ULK4: variants seen among roughly 807,000 people sequenced by gnomAD.
The protein encoded by ULK4 is inactive serine/threonine-protein kinase ULK4.
In ULK4, 133 loss-of-function variants were observed where a neutral mutation model predicts 160.6. That is an observed-to-expected ratio of 0.83 (90% CI 0.72 to 0.96). The LOEUF (loss-of-function observed/expected upper bound fraction) is 0.96. ULK4 is among the 40% of genes least tolerant of loss of function. ULK4 has a pLI of 0.00. For missense variants in ULK4, 1,580 were observed against 1,499.5 expected (o/e 1.05, Z -0.89); for synonymous variants, 534 against 539.8 (o/e 0.99, Z 0.15).
At chr3:41,653,432 T>C (rs1029935738) in intron 30 of ULK4, among the ~76,000 whole-genome samples, 1 of 152,192 alleles carries the variant, frequency 6.6e-6, no homozygotes, top group African/African-American at 2.4e-5. Context: ...ATGCCCTTCC[T>C]CTTGGATCTT....
At chr3:41,886,109 G>C (rs773711347) in intron 16 of ULK4, among the ~76,000 whole-genome samples, 2 of 152,146 alleles carry the variant, frequency 1.3e-5, no homozygotes, top group Admixed American at 1.3e-4. Context: ...CGTACCTCAT[G>C]TTGTTCTAAG....
At chr3:41,512,823 A>G (rs552340936) in intron 32 of ULK4, among the ~76,000 whole-genome samples, 1 of 152,234 alleles carries the variant, frequency 6.6e-6, no homozygotes, top group Non-Finnish European at 1.5e-5. Context: ...AGCCAAAGCA[A>G]GACTAAGCAA....
chr3:41,359,012 C>T (rs1032160476), intron 35 of ULK4, among the ~76,000 whole-genome samples: 5 of 152,114 alleles, frequency 3.3e-5, no homozygotes, highest in African/African-American at 1.2e-4. Context: ...GGTTGGTAAA[C>T]GGGGTGGAGT....
chr3:41,853,413 T>C lies in ULK4; in HGVS notation c.1657-17442A>G, dbSNP rs575341467. On this transcript the variant is annotated intron_variant, in intron 17 of 36. Coordinates refer to ENST00000301831, the MANE Select transcript of ULK4 (RefSeq NM_017886.4). ...GGTACAGCCTGGGCATAAGAACTTA[T>C]TTAAATGTTAAAATAGAGAGCATTA... Among the ~76,000 whole-genome samples the C allele has an allele frequency of 5.3e-5, 8 of 152,260 alleles. No homozygotes were observed. In the South Asian group the frequency reaches 1.7e-3, roughly 32 times the overall value.
chr3:41,510,884 G>A (rs112603004), intron 32 of ULK4, among the ~76,000 whole-genome samples: 4,271 of 152,162 alleles, frequency 0.028, 172 homozygotes, highest in African/African-American at 0.092. Flanking sequence ...AGTCTGGGAC[G>A]GGCGCAGTGG....
intron 22 of ULK4, among the ~76,000 whole-genome samples, chr3:41,737,222 A>G (rs188613116): frequency 0.018 from 2,765 of 152,070 alleles, 59 homozygotes; most frequent in Non-Finnish European, 0.024. Flanking sequence ...CACCAATAAC[A>G]GACAAACAGA....
intron 22 of ULK4, among the ~76,000 whole-genome samples, chr3:41,725,653 A>G (rs915607958): frequency 1.3e-5 from 2 of 151,856 alleles, no homozygotes; most frequent in Non-Finnish European, 2.9e-5. Context: ...GTATCTGATA[A>G]CTCTATTGTC....
At chr3:41,748,144 CTATATA>C (rs143813305) in intron 22 of ULK4, among the ~76,000 whole-genome samples, 1 of 145,536 alleles carries the variant, frequency 6.9e-6, no homozygotes, top group African/African-American at 2.6e-5. Context: ...TATATAGAGA[CTATATA>C]TATATATATA....
At chr3:41,946,209 G>A (rs1410341804) in intron 2 of ULK4, among the ~76,000 whole-genome samples, 1 of 152,126 alleles carries the variant, frequency 6.6e-6, no homozygotes, top group African/African-American at 2.4e-5. Context: ...ATGCATTTTA[G>A]TAATAAAGGA....
In ULK4 at chr3:41,712,402, G is replaced by A. The variant is rs547592503; in HGVS notation, c.2634+2835C>T. On this transcript the variant is annotated intron_variant, in intron 25 of 36. Transcript: ENST00000301831. ...CAGCTCATGAAGAGCTGCCTCAGGG[G>A]AAGCCAAGAAGTTCTTGGCTTGCTG... Among the ~76,000 whole-genome samples the A allele has an allele frequency of 1.0e-3, 157 of 152,272 alleles. 1 individual carries two copies. The highest frequency in any genetic ancestry group is 3.5e-3 in the African/African-American group (145 of 41,570).
chr3:41,516,936 C>T (rs13062908), intron 32 of ULK4, among the ~76,000 whole-genome samples: 1 of 152,022 alleles, frequency 6.6e-6, no homozygotes, highest in Non-Finnish European at 1.5e-5. Flanking sequence ...CTCATGTATC[C>T]CATAAATATA....
intron 21 of ULK4, among the ~76,000 whole-genome samples, chr3:41,788,617 G>C (rs576460206): frequency 6.6e-6 from 1 of 152,062 alleles, no homozygotes; most frequent in East Asian, 1.9e-4. Context: ...GTGAACCCAG[G>C]AGGCGGAGCT....
chr3:41,565,291 C>G (rs566571408), intron 32 of ULK4, among the ~76,000 whole-genome samples: 1 of 152,328 alleles, frequency 6.6e-6, no homozygotes, highest in Admixed American at 6.5e-5. Context: ...AAGTAAACCA[C>G]TGTCAACTCA....
chr3:41,904,124 G>A (rs1698470874), intron 12 of ULK4, among the ~76,000 whole-genome samples: 1 of 151,682 alleles, frequency 6.6e-6, no homozygotes, highest in South Asian at 2.1e-4. Flanking sequence ...AGAATAAAAA[G>A]TATCATTTAA....
At chr3:41,329,911 C>T (rs1051847006) in intron 35 of ULK4, among the ~76,000 whole-genome samples, 1 of 152,126 alleles carries the variant, frequency 6.6e-6, no homozygotes, top group African/African-American at 2.4e-5. Flanking sequence ...AATACAAAAA[C>T]ATATGAGATT....
In ULK4 at chr3:41,469,503, C is replaced by A. The variant is rs147932396; in HGVS notation, c.3227-6250G>T. 4.8e-3 allele frequency among the ~76,000 whole-genome samples: 722 copies of A among 149,496 alleles called. 9 individuals are homozygous for A. The highest frequency in any genetic ancestry group is 0.013 in the African/African-American group (522 of 40,380). ...ATTGAGAGCAAAGGCAGCAGCCCAG[C>A]CATCTAGAGAGCCCAAAGCAAGCTC... is the stretch of plus-strand genomic sequence containing the variant. On this transcript the variant is annotated intron_variant, in intron 32 of 36. Transcript: ENST00000301831.
At chr3:41,643,300 T>C (rs1192603500) in intron 30 of ULK4, among the ~76,000 whole-genome samples, 2 of 152,192 alleles carry the variant, frequency 1.3e-5, no homozygotes, top group Non-Finnish European at 2.9e-5. Context: ...GCCTAGGTTT[T>C]CTTCTACGGT....
intron 35 of ULK4, among the ~76,000 whole-genome samples, chr3:41,323,624 T>C (rs991973222): frequency 1.3e-5 from 2 of 152,014 alleles, no homozygotes; most frequent in African/African-American, 4.8e-5. Flanking sequence ...CAGGAGCTGA[T>C]CCAGGAAACC....
chr3:41,484,177 G>A (rs577342476), intron 32 of ULK4, among the ~76,000 whole-genome samples: 5 of 152,158 alleles, frequency 3.3e-5, no homozygotes, highest in East Asian at 3.9e-4. Context: ...GTGATGGACC[G>A]GGAACTTACA....
Sources: allele counts gnomAD v4.1 joint callset (sites outside exome capture counted in the v4.1 genomes callset), GRCh38; gene constraint gnomAD v4.1.1; transcripts MANE v1.5; gene names NCBI Gene and HGNC (gene_info 2026-07-23, HGNC 2026-07-21).